PDE8A: variants seen among roughly 807,000 people sequenced by gnomAD.
The protein encoded by PDE8A is high affinity cAMP-specific and IBMX-insensitive 3',5'-cyclic phosphodiesterase 8A.
A neutral mutation model predicts 105.0 loss-of-function variants in PDE8A; 59 were observed. The observed-to-expected ratio is 0.56, with a 90% CI of 0.46 to 0.70. The LOEUF is 0.70. Ranked by LOEUF, PDE8A falls within the 30% of genes least tolerant of loss-of-function variation. PDE8A has a pLI of 0.00. For missense variants in PDE8A, 1,014 were observed against 1,045.9 expected (o/e 0.97, Z 0.42); for synonymous variants, 355 against 371.9 (o/e 0.95, Z 0.52).
chr15:85,077,018 C>T (rs1004635233), intron 5 of PDE8A, among the ~76,000 whole-genome samples: 5 of 151,778 alleles, frequency 3.3e-5, no homozygotes, highest in East Asian at 1.9e-4. Flanking sequence ...CTGCCTCAAT[C>T]GTACTTAAAA....
At chr15:85,092,726 G>C (rs1002039099) in intron 8 of PDE8A, among the ~76,000 whole-genome samples, 4 of 152,104 alleles carry the variant, frequency 2.6e-5, no homozygotes, top group African/African-American at 9.7e-5. Context: ...GGTAAGGAAG[G>C]GATGTGCTAT....
rs1463904822 is a variant in PDE8A at position 85,052,284 on chromosome 15, T to C, written c.187-12086T>C. ...TGTGAATAGCGCCGCAATAAACATATGTGTGCATGTGTCTTTATAGCAGCA... is the reference window on the plus strand; with the variant it reads ...TGTGAATAGCGCCGCAATAAACATACGTGTGCATGTGTCTTTATAGCAGCA... On this transcript the variant is annotated intron_variant, in intron 1 of 21. Coordinates refer to ENST00000394553, the MANE Select transcript of PDE8A (RefSeq NM_002605.3). Among the ~76,000 whole-genome samples the C allele has an allele frequency of 5.3e-5, 8 of 152,314 alleles. No individual in the cohort carries two copies. The South Asian group carries it at 8.3e-4, about 16-fold the overall frequency.
At chr15:85,133,832 G>A (rs1386749615) in intron 20 of PDE8A, among the ~76,000 whole-genome samples, 2 of 152,212 alleles carry the variant, frequency 1.3e-5, no homozygotes. Flanking sequence ...AGGGCCTGAA[G>A]CAAGGTGAAG....
At chr15:84,997,407 G>A (rs2079997523) in intron 1 of PDE8A, among the ~76,000 whole-genome samples, 1 of 151,764 alleles carries the variant, frequency 6.6e-6, no homozygotes, top group East Asian at 1.9e-4. Context: ...TATTGTCCAG[G>A]CTGGCCTTGA....
chr15:85,092,133 C>G (rs1473228514), intron 8 of PDE8A, among the ~76,000 whole-genome samples: 1 of 151,950 alleles, frequency 6.6e-6, no homozygotes, highest in African/African-American at 2.4e-5. Context: ...TCTTGGACCC[C>G]ATGAAGACAC....
intron 12 of PDE8A, among the ~76,000 whole-genome samples, chr15:85,112,045 A>G (rs2082028257): frequency 6.7e-6 from 1 of 149,992 alleles, no homozygotes; most frequent in Non-Finnish European, 1.5e-5. Flanking sequence ...AGCTTGGGTA[A>G]ACTTACTCAC....
At chr15:85,130,293 A>G (rs2082312814) in intron 20 of PDE8A, among the ~76,000 whole-genome samples, 1 of 152,138 alleles carries the variant, frequency 6.6e-6, no homozygotes, top group Non-Finnish European at 1.5e-5. Context: ...ACTGGGGATT[A>G]TTTTTCAACA....
At chr15:85,011,940 T>G (rs948526418) in intron 1 of PDE8A, among the ~76,000 whole-genome samples, 4 of 152,038 alleles carry the variant, frequency 2.6e-5, no homozygotes, top group Admixed American at 6.5e-5. Context: ...AAAAAACACA[T>G]GAAAAAATGC....
At chr15:85,071,012 G>T (rs1284510859) in intron 3 of PDE8A, among the ~76,000 whole-genome samples, 1 of 151,956 alleles carries the variant, frequency 6.6e-6, no homozygotes, top group African/African-American at 2.4e-5. Flanking sequence ...CATGAAGAGG[G>T]AAAAAGAGAC....
intron 1 of PDE8A, among the ~76,000 whole-genome samples, chr15:85,020,596 A>T (rs2080408939): frequency 2.0e-5 from 3 of 152,212 alleles, no homozygotes. Context: ...ACTGTGTCTC[A>T]AAACAAACAA....
chr15:85,000,788 C>T (rs768092619), intron 1 of PDE8A, among the ~76,000 whole-genome samples: 17 of 152,168 alleles, frequency 1.1e-4, no homozygotes, highest in Admixed American at 2.0e-4. Context: ...CTTTCTTTAC[C>T]ACTGTAGAGC....
intron 1 of PDE8A, among the ~76,000 whole-genome samples, chr15:85,025,140 C>T (rs1291865404): frequency 2.0e-5 from 3 of 152,170 alleles, no homozygotes; most frequent in Non-Finnish European, 4.4e-5. Flanking sequence ...TAACTATGCT[C>T]TTCACATCCT....
chr15:85,026,264 T>A (rs1237192458), intron 1 of PDE8A, among the ~76,000 whole-genome samples: 1 of 152,140 alleles, frequency 6.6e-6, no homozygotes, highest in Non-Finnish European at 1.5e-5. Context: ...CTTGTCTTTG[T>A]TCCATGATGG....
At chr15:85,089,466 C>T (rs768628418) in intron 7 of PDE8A, 50 bp downstream of exon 7, 72 of 1,143,224 alleles carry the variant, frequency 6.3e-5, no homozygotes, top group Non-Finnish European at 9.0e-5. Flanking sequence ...TTTGCTTTTT[C>T]CAACTTTTAG....
intron 1 of PDE8A, among the ~76,000 whole-genome samples, chr15:85,036,389 G>A (rs289383): frequency 0.77 from 117,163 of 152,144 alleles, 45,301 homozygotes; most frequent in African/African-American, 0.83. Flanking sequence ...GTAGTTGACC[G>A]TGTTAGAGAC....
At chr15:85,028,845 G>A (rs188483262) in intron 1 of PDE8A, among the ~76,000 whole-genome samples, 1 of 151,966 alleles carries the variant, frequency 6.6e-6, no homozygotes, top group East Asian at 1.9e-4. Flanking sequence ...GTTTACTTGA[G>A]AGCATTAAGC....
intron 11 of PDE8A, among the ~76,000 whole-genome samples, chr15:85,108,374 G>A (rs2081975168): frequency 6.6e-6 from 1 of 152,172 alleles, no homozygotes; most frequent in African/African-American, 2.4e-5. Context: ...GCAGCTCCTA[G>A]TTTCCTTGTC....
At chr15:85,137,708 A>G in intron 21 of PDE8A, 89 bp from the exon 22 acceptor site, 1 of 832,740 alleles carries the variant, frequency 1.2e-6, no homozygotes, top group Non-Finnish European at 2.0e-6. Flanking sequence ...GCCTGCTCCC[A>G]TCTGTCACTC....
chr15:85,122,712 A>G (rs2082200589), intron 18 of PDE8A, among the ~76,000 whole-genome samples: 1 of 152,234 alleles, frequency 6.6e-6, no homozygotes, highest in Non-Finnish European at 1.5e-5. Flanking sequence ...CTTTCAGAAG[A>G]TCGGTCCTCA....
Sources: gnomAD v4.1 joint callset for allele counts (sites outside exome capture counted in the v4.1 genomes callset) on GRCh38, gnomAD v4.1.1 for gene constraint, MANE v1.5 for transcripts, NCBI Gene and HGNC (gene_info 2026-07-23, HGNC 2026-07-21) for gene names.